The following NOS1 variants were observed in gnomAD, a reference collection of about 807,000 sequenced individuals.
NOS1 encodes the protein nitric oxide synthase 1.
Under a neutral mutation model 164.5 loss-of-function variants are expected in NOS1, and 51 were observed. The observed-to-expected ratio is 0.31, with a 90% CI of 0.25 to 0.39. The LOEUF (loss-of-function observed/expected upper bound fraction) is 0.39. Among genes scored for constraint, NOS1 ranks in the 10% least tolerant of loss-of-function variants. The probability of loss-of-function intolerance (pLI) is 1.00; values close to 1 mark genes in which losing one functional copy is unlikely to be tolerated. For missense variants in NOS1, 1,362 were observed against 1,885.6 expected, an observed-to-expected ratio of 0.72 and a Z score of 5.14; for synonymous variants, 719 against 745.8, an observed-to-expected ratio of 0.96 and a Z score of 0.59.
At chr12:117,322,113 C>T (rs1336902256) in intron 2 of NOS1, among the ~76,000 whole-genome samples, 1 of 134,376 alleles carries the variant, frequency 7.4e-6, no homozygotes, top group Non-Finnish European at 1.6e-5. Context: ...TCTCTCCTCC[C>T]TTCCCCTTTT....
rs569256315 is a variant in NOS1 at position 117,282,151 on chromosome 12, A to G, written c.1383-1285T>C. Among the ~76,000 whole-genome samples the G allele has an allele frequency of 1.1e-4, 17 of 152,240 alleles. 1 individual carries two copies. The South Asian group carries it at 3.1e-3, about 28-fold the overall frequency. On this transcript the variant is annotated intron_variant, in intron 7 of 28. Transcript: ENST00000317775. ...TATGTTAAAAGGGAGATCAGCAAGT[A>G]TTAGGTGTTAACAATATCTTAGCAC...
intron 28 of NOS1, among the ~76,000 whole-genome samples, chr12:117,216,978 C>A (rs757825105): frequency 1.2e-4 from 19 of 152,070 alleles, no homozygotes; most frequent in Non-Finnish European, 2.4e-4. Context: ...AAGTAAAGGG[C>A]GTCCAGGGGT....
chr12:117,215,365 G>T, intron 28 of NOS1, 41 bp from the exon 29 acceptor site: 2 of 1,490,166 alleles, frequency 1.3e-6, no homozygotes, highest in Non-Finnish European at 1.8e-6. Context: ...TGCCCCAAGG[G>T]CAAGGCTGCT....
At chr12:117,259,209 A>T (rs1246375174) in intron 14 of NOS1, 79 bp from the exon 15 acceptor site, 3 of 932,144 alleles carry the variant, frequency 3.2e-6, no homozygotes, top group Admixed American at 2.0e-5. Context: ...AGAGACAAAA[A>T]GTGATGGGGG....
intron 7 of NOS1, among the ~76,000 whole-genome samples, chr12:117,281,568 G>A (rs1873669941): frequency 6.7e-6 from 1 of 149,532 alleles, no homozygotes; most frequent in Non-Finnish European, 1.5e-5. Context: ...AGGCATGGTG[G>A]CTCATGCCTA....
rs151089459 is a variant in NOS1 at position 117,287,704 on chromosome 12, G to T, written c.1127+370C>A. On this transcript the variant is annotated intron_variant, in intron 5 of 28. Transcript: ENST00000317775. Reference sequence around the variant, plus strand: ...TCTGCCCGCCTCAGTCTCCCAAAGTGCTGGGATTACAGGCGTGAGCCACTG... The same window carrying T: ...TCTGCCCGCCTCAGTCTCCCAAAGTTCTGGGATTACAGGCGTGAGCCACTG... 4.0e-3 allele frequency among the ~76,000 whole-genome samples: 606 copies of T among 152,328 alleles called. 2 individuals are homozygous for T. Among genetic ancestry groups the T allele is most frequent in the African/African-American group, 0.013 (556 of 41,568 alleles).
chr12:117,257,229 G>A (rs1311863607), intron 16 of NOS1, among the ~76,000 whole-genome samples: 2 of 151,712 alleles, frequency 1.3e-5, no homozygotes, highest in African/African-American at 4.8e-5. Context: ...GACTTCAGGT[G>A]CACACTACCA....
chr12:117,231,340 A>T (rs1034514927), intron 22 of NOS1, among the ~76,000 whole-genome samples: 2 of 151,872 alleles, frequency 1.3e-5, no homozygotes, highest in Non-Finnish European at 2.9e-5. Flanking sequence ...AAAGAATAAG[A>T]TCTAGTATTT....
chr12:117,326,119 C>G lies in NOS1; in HGVS notation c.725+4226G>C, dbSNP rs926578863. ...TGGGGGTGCTGGCCGGGCATGGTGG[C>G]TCACTCCTGTAATCCCAGCGCTTTG... On this transcript the variant is annotated intron_variant, in intron 2 of 28. Coordinates refer to ENST00000317775, the MANE Select transcript of NOS1 (RefSeq NM_000620.5). 5.3e-5 allele frequency among the ~76,000 whole-genome samples: 8 copies of G among 150,648 alleles called. No individual in the cohort carries two copies. The East Asian group carries it at 1.6e-3, about 30-fold the overall frequency.
In NOS1 at chr12:117,208,411, T is replaced by TGC; in HGVS notation, c.*6897_*6898insGC. The TGC allele has an allele frequency of 7.8e-7, 1 of 1,286,702 alleles. No homozygotes were observed. The highest frequency in any genetic ancestry group is 1.0e-6 in the Non-Finnish European group (1 of 988,350). The allele number at this position is 1,286,702 out of a possible 1,614,324, so 79.7% of individuals were successfully genotyped here. ...GACAGCGTGTGTGTGTGTGTGTGTG[T>TGC]GTGTGTGTGTGGTGAGATGCGACCA... On this transcript the variant is annotated 3_prime_UTR_variant, in exon 29 of 29. Coordinates refer to ENST00000317775, the MANE Select transcript of NOS1 (RefSeq NM_000620.5).
chr12:117,208,247 C>T lies in NOS1; in HGVS notation c.*7062G>A, dbSNP rs1449597056. 18 of 1,272,214 alleles carry T rather than the reference C, an allele frequency of 1.4e-5. No homozygotes were observed. The highest frequency in any genetic ancestry group is 1.2e-4 in the Admixed American group (5 of 43,022). The allele number at this position is 1,272,214 out of a possible 1,614,324, so 78.8% of individuals were successfully genotyped here. On this transcript the variant is annotated 3_prime_UTR_variant, in exon 29 of 29. Transcript: ENST00000317775. ...GAGAACTATACAGAAGAAGAGCATG[C>T]GACAAACACAGCCTGGACAACCTCG... is the stretch of plus-strand genomic sequence containing the variant.
In NOS1 at chr12:117,214,252, A is replaced by T. The variant is rs9658562; in HGVS notation, c.*1057T>A. On this transcript the variant is annotated 3_prime_UTR_variant, in exon 29 of 29. Transcript: ENST00000317775. ...TATTGTTTCCAGGCACCAAAGCTTT[A>T]ACATTTAATCCATTCATATTCTTTA... 17,283 of 985,406 alleles carry T rather than the reference A, an allele frequency of 0.018. 733 individuals carry two copies. Among genetic ancestry groups the T allele is most frequent in the African/African-American group, 0.15 (8,628 of 57,340 alleles). 61.0% of individuals were successfully genotyped at this position (985,406 alleles called of 1,614,324 possible). A position where few individuals can be genotyped will look rare whatever the true frequency, so the allele number is the denominator to read the frequency against.
intron 1 of NOS1, among the ~76,000 whole-genome samples, chr12:117,361,209 C>T (rs1247114519): frequency 6.6e-6 from 1 of 151,882 alleles, no homozygotes; most frequent in African/African-American, 2.4e-5. Context: ...CTCTTCCTCC[C>T]GGGCGCCCGC....
chr12:117,262,769 T>G (rs1028216431), intron 13 of NOS1, among the ~76,000 whole-genome samples: 8 of 143,788 alleles, frequency 5.6e-5, no homozygotes, highest in African/African-American at 2.1e-4. Flanking sequence ...GGGTTCTCTT[T>G]TTTTTGGGGC....
At chr12:117,345,870 C>CA (rs916841250) in intron 1 of NOS1, among the ~76,000 whole-genome samples, 134 of 152,222 alleles carry the variant, frequency 8.8e-4, no homozygotes, top group African/African-American at 2.6e-3. Context: ...AACAAACAAA[C>CA]AAAAAAACAA....
intron 3 of NOS1, among the ~76,000 whole-genome samples, 167 bp downstream of exon 3, chr12:117,311,299 C>T (rs967781993): frequency 1.3e-5 from 2 of 152,160 alleles, no homozygotes; most frequent in Non-Finnish European, 2.9e-5. Flanking sequence ...GATCCACATC[C>T]GAGGATAAGC....
At chr12:117,357,760 A>G (rs1379658863) in intron 1 of NOS1, among the ~76,000 whole-genome samples, 1 of 152,212 alleles carries the variant, frequency 6.6e-6, no homozygotes, top group Non-Finnish European at 1.5e-5. Flanking sequence ...GTATTCTGAC[A>G]CTAAAGGTCC....
chr12:117,334,964 G>A (rs762639370), intron 1 of NOS1, among the ~76,000 whole-genome samples: 42 of 152,244 alleles, frequency 2.8e-4, no homozygotes, highest in Middle Eastern at 3.4e-3. Context: ...GGCTCTATCC[G>A]GGTGTTTCTG....
intron 2 of NOS1, among the ~76,000 whole-genome samples, chr12:117,321,890 G>A (rs1455850656): frequency 6.6e-6 from 1 of 151,880 alleles, no homozygotes; most frequent in Non-Finnish European, 1.5e-5. Context: ...AAGCCATGGG[G>A]GAACAGAATC....
Sources: allele counts gnomAD v4.1 joint callset (sites outside exome capture counted in the v4.1 genomes callset), GRCh38; gene constraint gnomAD v4.1.1; transcripts MANE v1.5; gene names NCBI Gene and HGNC (gene_info 2026-07-23, HGNC 2026-07-21).